Variants in AIM2 observed in about 807,000 individuals in gnomAD.
AIM2 encodes absent in melanoma 2.
A neutral mutation model predicts 27.7 loss-of-function variants in AIM2; 30 were observed. The ratio of observed to expected loss-of-function variants is 1.08; its 90% CI spans 0.81 to 1.47. The LOEUF (loss-of-function observed/expected upper bound fraction) is 1.47. AIM2 is among the 40% of genes most tolerant of loss of function. The pLI, the probability that AIM2 is intolerant of heterozygous loss-of-function variation, is 0.00. For missense variants in AIM2, 358 were observed against 411.3 expected, an observed-to-expected ratio of 0.87 and a Z score of 1.12; for synonymous variants, 141 against 145.3, an observed-to-expected ratio of 0.97 and a Z score of 0.21.
intron 1 of AIM2, among the ~76,000 whole-genome samples, chr1:159,100,938 A>G (rs1657298603): frequency 6.6e-6 from 1 of 152,250 alleles, no homozygotes; most frequent in Admixed American, 6.5e-5. Context: ...CATGGCTTCC[A>G]GATCTACTGT....
intron 1 of AIM2, among the ~76,000 whole-genome samples, chr1:159,120,211 T>TGGGTTAAGTTTACGATTTCCTTGAGTAC (rs1647495094): frequency 3.3e-5 from 5 of 152,282 alleles, no homozygotes; most frequent in Admixed American, 6.5e-5. Context: ...ATAAAACTAC[T>TGGGTTAAGTTTACGATTTCCTTGAGTAC]GGGTTAAGTT....
upstream of AIM2, among the ~76,000 whole-genome samples, chr1:159,144,194 C>T (rs927648267): frequency 1.3e-5 from 2 of 152,146 alleles, no homozygotes; most frequent in African/African-American, 4.8e-5. Flanking sequence ...ACTCTATTGA[C>T]TGGATTGCTT....
intron 1 of AIM2, among the ~76,000 whole-genome samples, chr1:159,129,604 A>G (rs1647814235): frequency 6.6e-6 from 1 of 152,232 alleles, no homozygotes; most frequent in African/African-American, 2.4e-5. Flanking sequence ...TCTCAAAAAA[A>G]CAGGATAACA....
chr1:159,133,543 C>G (rs1037587954), intron 1 of AIM2, among the ~76,000 whole-genome samples: 1 of 152,148 alleles, frequency 6.6e-6, no homozygotes, highest in South Asian at 2.1e-4. Flanking sequence ...CTCTGCAACT[C>G]CCTCCATCTG....
At chr1:159,098,946 A>G (rs1032805919) in intron 1 of AIM2, among the ~76,000 whole-genome samples, 3 of 152,170 alleles carry the variant, frequency 2.0e-5, no homozygotes, top group Admixed American at 6.5e-5. Context: ...CTGAAAAGGT[A>G]GGACTCGGTT....
At chr1:159,068,430 C>T in intron 3 of AIM2, 138 bp downstream of exon 3, 1 of 1,191,398 alleles carries the variant, frequency 8.4e-7, no homozygotes, top group Non-Finnish European at 1.1e-6. Context: ...GTTTTTGTGA[C>T]TCAGAATGCT....
intron 1 of AIM2, among the ~76,000 whole-genome samples, chr1:159,107,489 G>A (rs899125126): frequency 6.6e-6 from 1 of 152,038 alleles, no homozygotes; most frequent in African/African-American, 2.4e-5. Flanking sequence ...TGAAGGAGTT[G>A]ATTATGCAGC....
intron 1 of AIM2, among the ~76,000 whole-genome samples, chr1:159,131,123 T>C (rs946060788): frequency 1.3e-5 from 2 of 152,140 alleles, no homozygotes; most frequent in Non-Finnish European, 2.9e-5. Context: ...ACCTAATCAA[T>C]GTCTGTCTTC....
chr1:159,122,978 A>T (rs1647580773), intron 1 of AIM2, among the ~76,000 whole-genome samples: 1 of 152,154 alleles, frequency 6.6e-6, no homozygotes. Context: ...GGCTATAAAA[A>T]CTTTGGTCTC....
At chr1:159,100,832 G>A (rs751232222) in intron 1 of AIM2, among the ~76,000 whole-genome samples, 10 of 152,160 alleles carry the variant, frequency 6.6e-5, no homozygotes, top group Non-Finnish European at 1.5e-4. Flanking sequence ...ATGTCCTTCT[G>A]GGGAAGTTCA....
Position 159,063,540 on chromosome 1 carries a change from C to G in AIM2, c.951G>C (p.Leu317=). The G allele has an allele frequency of 6.2e-7, 1 of 1,613,928 alleles. No individual in the cohort carries two copies. ...GDKVRLTFFT[L]SKNGEKLQLT... is the part of the protein sequence containing the mutation. Reference sequence around the variant, plus strand: ...GCTGTAGTTTTTCTCCATTTTTTGACAGTGTGAAGAATGTAAGTCGAACCT... The same window carrying G: ...GCTGTAGTTTTTCTCCATTTTTTGAGAGTGTGAAGAATGTAAGTCGAACCT... Residue 317 remains leucine (L), a synonymous_variant, in exon 5 of 6, where the codon CTG becomes CTC. Transcript: ENST00000368130.
At chr1:159,099,301 AATG>A (rs1456501679) in intron 1 of AIM2, among the ~76,000 whole-genome samples, 7 of 152,196 alleles carry the variant, frequency 4.6e-5, no homozygotes. Flanking sequence ...CCAGGTAGGC[AATG>A]GTTAGAGAGC....
intron 1 of AIM2, among the ~76,000 whole-genome samples, chr1:159,086,429 G>T (rs1230440084): frequency 1.3e-5 from 2 of 152,194 alleles, no homozygotes; most frequent in African/African-American, 4.8e-5. Flanking sequence ...GCGCTCTGGG[G>T]CCAGGCCCTT....
At chr1:159,125,998 A>G (rs1050348280) in intron 1 of AIM2, among the ~76,000 whole-genome samples, 3 of 152,226 alleles carry the variant, frequency 2.0e-5, no homozygotes, top group African/African-American at 4.8e-5. Flanking sequence ...ATTCTGAGCA[A>G]AACATTTGCA....
At chr1:159,101,951 G>T (rs751579640) in intron 1 of AIM2, among the ~76,000 whole-genome samples, 1 of 152,154 alleles carries the variant, frequency 6.6e-6, no homozygotes, top group Non-Finnish European at 1.5e-5. Flanking sequence ...AGAAATTTGC[G>T]TAAGTAATGA....
intron 1 of AIM2, among the ~76,000 whole-genome samples, chr1:159,140,020 C>T (rs1042161264): frequency 1.3e-5 from 2 of 152,150 alleles, no homozygotes; most frequent in African/African-American, 4.8e-5. Flanking sequence ...ATGTGACATA[C>T]CCCTTTCCTG....
intron 1 of AIM2, among the ~76,000 whole-genome samples, chr1:159,091,675 G>T (rs1657047032): frequency 6.6e-6 from 1 of 152,204 alleles, no homozygotes; most frequent in Non-Finnish European, 1.5e-5. Flanking sequence ...GGATGCCCTT[G>T]GGGGAAGGTA....
At chr1:159,069,578 C>A (rs564714273) in intron 2 of AIM2, among the ~76,000 whole-genome samples, 3 of 151,378 alleles carry the variant, frequency 2.0e-5, no homozygotes, top group Non-Finnish European at 4.4e-5. Context: ...AGTCTCACTC[C>A]GTCACCCAAG....
the AIM2 span, among the ~76,000 whole-genome samples, chr1:159,056,105 G>A: frequency 6.6e-6 from 1 of 152,202 alleles, no homozygotes; most frequent in Non-Finnish European, 1.5e-5. Context: ...ATGGGGCCAT[G>A]AAAAGTTAGG....
Sources: gnomAD v4.1 joint callset for allele counts (sites outside exome capture counted in the v4.1 genomes callset) on GRCh38, gnomAD v4.1.1 for gene constraint, MANE v1.5 for transcripts, NCBI Gene and HGNC (gene_info 2026-07-23, HGNC 2026-07-21) for gene names.